Variants in PCSK2 observed in about 807,000 individuals in gnomAD.
The protein encoded by PCSK2 is proprotein convertase subtilisin/kexin type 2.
Under a neutral mutation model 69.7 loss-of-function variants are expected in PCSK2, and 14 were observed. The observed-to-expected ratio is 0.20, with a 90% CI of 0.13 to 0.31. PCSK2 has a LOEUF of 0.31. PCSK2 is among the 10% of genes least tolerant of loss of function. PCSK2 has a pLI of 1.00. For synonymous variants in PCSK2, 307 were observed against 320.7 expected, an observed-to-expected ratio of 0.96 and a Z score of 0.46; for missense variants, 544 against 842.5, an observed-to-expected ratio of 0.65 and a Z score of 4.39.
intron 1 of PCSK2, among the ~76,000 whole-genome samples, chr20:17,231,834 T>C: frequency 6.6e-6 from 1 of 152,220 alleles, no homozygotes; most frequent in South Asian, 2.1e-4. Context: ...TTTAAAGGAA[T>C]TGAGTTTCTT....
At chr20:17,477,081 A>G (rs914480947) in intron 11 of PCSK2, among the ~76,000 whole-genome samples, 1 of 152,172 alleles carries the variant, frequency 6.6e-6, no homozygotes, top group East Asian at 1.9e-4. Flanking sequence ...GTATTAATGA[A>G]CTGCACTGTA....
At chr20:17,335,361 A>G (rs1290568187) in intron 2 of PCSK2, among the ~76,000 whole-genome samples, 2 of 151,710 alleles carry the variant, frequency 1.3e-5, no homozygotes, top group Admixed American at 6.6e-5. Context: ...GGCTTGCCCT[A>G]GGCCAAAACA....
intron 2 of PCSK2, among the ~76,000 whole-genome samples, chr20:17,294,121 T>TTG (rs1302446717): frequency 5.4e-5 from 8 of 147,882 alleles, no homozygotes; most frequent in Non-Finnish European, 1.5e-5. Context: ...TTTTTTTTTT[T>TTG]TGAGACGGAG....
intron 2 of PCSK2, among the ~76,000 whole-genome samples, chr20:17,264,393 A>C (rs932932174): frequency 6.6e-6 from 1 of 152,224 alleles, no homozygotes; most frequent in Non-Finnish European, 1.5e-5. Flanking sequence ...TATCAGTCCA[A>C]TAAAAACTTT....
At chr20:17,348,042 GAAA>G (rs1990735682) in intron 2 of PCSK2, among the ~76,000 whole-genome samples, 10 of 45,180 alleles carry the variant, frequency 2.2e-4, no homozygotes, top group Non-Finnish European at 3.6e-4. Flanking sequence ...AAGAAAGAAA[GAAA>G]GAAAGGAAAG....
rs932378984 is a variant in PCSK2 at position 17,479,553 on chromosome 20, A to C, written c.1431-2031A>C. The C allele has an allele frequency of 5.7e-5, 17 of 296,060 alleles. No individual in the cohort carries two copies. In the East Asian group the frequency reaches 1.4e-3, roughly 24 times the overall value. The allele number at this position is 296,060 out of a possible 1,614,324, so 18.3% of individuals were successfully genotyped here. The stretch of plus-strand genomic sequence containing the variant: ...GGTGGCTCACGCCTGTAATCTCAGC[A>C]CTTTGGGAGGCCGAGGCAGGCGGAT... On this transcript the variant is annotated intron_variant, in intron 11 of 11. Transcript: ENST00000262545.
intron 5 of PCSK2, among the ~76,000 whole-genome samples, chr20:17,392,063 T>C (rs1289930540): frequency 1.3e-5 from 2 of 152,196 alleles, no homozygotes; most frequent in Non-Finnish European, 2.9e-5. Context: ...CTGTCTCATG[T>C]AGCTCATCCT....
intron 2 of PCSK2, among the ~76,000 whole-genome samples, chr20:17,309,415 A>G (rs1568596652): frequency 6.6e-6 from 1 of 152,250 alleles, no homozygotes; most frequent in Non-Finnish European, 1.5e-5. Flanking sequence ...AGCAATGAAT[A>G]AAAATATATA....
intron 2 of PCSK2, among the ~76,000 whole-genome samples, chr20:17,344,798 T>A (rs188007021): frequency 2.0e-4 from 30 of 152,326 alleles, no homozygotes; most frequent in African/African-American, 5.3e-4. Flanking sequence ...CCCAGTGCCT[T>A]CTTACTTCCT....
intron 2 of PCSK2, among the ~76,000 whole-genome samples, chr20:17,334,391 G>A (rs891242039): frequency 6.6e-6 from 1 of 152,174 alleles, no homozygotes; most frequent in Non-Finnish European, 1.5e-5. Context: ...TCAGAAAACA[G>A]TGGGTTAAAA....
In PCSK2 at chr20:17,473,728, G is replaced by A. The variant is rs140482037; in HGVS notation, c.1431-7856G>A. 2.2e-4 allele frequency among the ~76,000 whole-genome samples: 34 copies of A among 152,254 alleles called. 2 individuals carry two copies. Among genetic ancestry groups the A allele is most frequent in the Non-Finnish European group, 4.1e-4 (28 of 68,024 alleles). On this transcript the variant is annotated intron_variant, in intron 11 of 11. Coordinates refer to ENST00000262545, the MANE Select transcript of PCSK2 (RefSeq NM_002594.5). ...TGTTCCTAGGCTCTCCCAATGCCAC[G>A]ATGCCAGCCAAAAAAACCTGACCTG...
At chr20:17,476,525 G>A (rs2328149) in intron 11 of PCSK2, among the ~76,000 whole-genome samples, 82,106 of 151,900 alleles carry the variant, frequency 0.54, 22,130 homozygotes, top group South Asian at 0.59. Context: ...GGCCAATGCT[G>A]GTCTAGACAT....
At chr20:17,477,840 T>C (rs1298700161) in intron 11 of PCSK2, among the ~76,000 whole-genome samples, 2 of 152,202 alleles carry the variant, frequency 1.3e-5, no homozygotes, top group African/African-American at 4.8e-5. Context: ...TGACTTCGCA[T>C]TTGGTGGCCA....
chr20:17,307,207 G>A (rs1261344694), intron 2 of PCSK2, among the ~76,000 whole-genome samples: 2 of 152,178 alleles, frequency 1.3e-5, no homozygotes, highest in African/African-American at 2.4e-5. Context: ...ATAAGGAATA[G>A]TCTCTAATCT....
chr20:17,253,911 T>C (rs377472259), intron 1 of PCSK2, among the ~76,000 whole-genome samples: 4 of 152,218 alleles, frequency 2.6e-5, no homozygotes, highest in East Asian at 3.9e-4. Context: ...ATTTTACCCA[T>C]TCTAGTGTGT....
chr20:17,269,067 G>A (rs892193468), intron 2 of PCSK2, among the ~76,000 whole-genome samples: 1 of 152,190 alleles, frequency 6.6e-6, no homozygotes, highest in African/African-American at 2.4e-5. Context: ...GGTTGATGGG[G>A]AGTGGTTAGG....
chr20:17,256,774 G>C (rs1291608216), intron 1 of PCSK2, among the ~76,000 whole-genome samples: 3 of 151,856 alleles, frequency 2.0e-5, no homozygotes, highest in Admixed American at 2.0e-4. Flanking sequence ...TCCTCCCCTA[G>C]CTCTGCAACC....
At chr20:17,347,844 GAAAGAAAGA>G (rs1990699383) in intron 2 of PCSK2, among the ~76,000 whole-genome samples, 2 of 121,056 alleles carry the variant, frequency 1.7e-5, no homozygotes, top group African/African-American at 3.2e-5. Context: ...AAGAAAGAAA[GAAAGAAAGA>G]AAGAAAGAGG....
chr20:17,335,894 A>G (rs982415046), intron 2 of PCSK2, among the ~76,000 whole-genome samples: 21 of 66,238 alleles, frequency 3.2e-4, no homozygotes, highest in African/African-American at 6.1e-4. Context: ...GTGTGTGTGT[A>G]TCATATTTTC....
Sources: gnomAD v4.1 joint callset for allele counts (sites outside exome capture counted in the v4.1 genomes callset) on GRCh38, gnomAD v4.1.1 for gene constraint, MANE v1.5 for transcripts, NCBI Gene and HGNC (gene_info 2026-07-23, HGNC 2026-07-21) for gene names.